The following NOS3 variants were observed in gnomAD, a reference collection of about 807,000 sequenced individuals.
The protein encoded by NOS3 is nitric oxide synthase 3.
Under a neutral mutation model 144.9 loss-of-function variants are expected in NOS3, and 98 were observed. The observed-to-expected ratio is 0.68, with a 90% CI of 0.57 to 0.80. The LOEUF (loss-of-function observed/expected upper bound fraction) is 0.80, where lower values mean the gene tolerates loss of function less well. Ranked by LOEUF, NOS3 falls within the 30% of genes least tolerant of loss-of-function variation. NOS3 has a pLI of 0.00. For missense variants in NOS3, 1,465 were observed against 1,656.4 expected (o/e 0.88, Z 2.01); for synonymous variants, 714 against 702.4 (o/e 1.02, Z -0.26).
chr7:150,994,436 A>G (rs2117096537), intron 2 of NOS3, among the ~76,000 whole-genome samples: 1 of 152,338 alleles, frequency 6.6e-6, no homozygotes, highest in East Asian at 1.9e-4. Context: ...AGAGTTGGGC[A>G]GGAAACTCGG....
rs745819190 is a variant in NOS3, at chr7:150,998,217, G to T, written c.583-140G>T. 113 of 688,448 alleles carry T rather than the reference G, an allele frequency of 1.6e-4. No homozygotes were observed. Among genetic ancestry groups the T allele is most frequent in the Non-Finnish European group, 2.6e-4 (106 of 403,056 alleles). 42.6% of individuals were successfully genotyped at this position (688,448 alleles called of 1,614,324 possible). On this transcript the variant is annotated intron_variant, in intron 5 of 26. Coordinates refer to ENST00000297494, the MANE Select transcript of NOS3 (RefSeq NM_000603.5). This position sits in a 1 kb window ranked among gnomAD's most constrained non-coding sequence, Gnocchi z 5.0. ...CAGAGAGCAGGGCAGGAAGGGATCAGTGTGGCTGCCAATGGTCAGGAGGGC... is the reference window on the plus strand; with the variant it reads ...CAGAGAGCAGGGCAGGAAGGGATCATTGTGGCTGCCAATGGTCAGGAGGGC...
At chr7:151,000,419 G>A (rs1031946808) in intron 9 of NOS3, 79 bp from the exon 10 acceptor site, 29 of 908,292 alleles carry the variant, frequency 3.2e-5, no homozygotes, top group South Asian at 5.5e-5. Flanking sequence ...AGCCATGTAC[G>A]GGAAACAGAG....
chr7:151,009,561 G>A lies in NOS3; in HGVS notation c.2488G>A (p.Glu830Lys). Residue 830 changes from glutamate (E) to lysine (K), a missense_variant, in exon 20 of 27, where the codon GAG becomes AAG. By Grantham distance (56) the Glu-to-Lys change is moderately conservative (BLOSUM62 1). Coordinates refer to ENST00000297494, the MANE Select transcript of NOS3 (RefSeq NM_000603.5). ...PPAPTEPVAV[E>K]QLEKGSPGGP... ...GGCGCCCACTGAGCCCGTGGCAGTA[G>A]AGCAGCTGGAGAAGGGCAGCCCTGG... 6.5e-7 allele frequency: 1 copy of A among 1,540,434 alleles called. No individual in the cohort carries two copies. Among genetic ancestry groups the A allele is most frequent in the South Asian group, 1.2e-5 (1 of 83,522 alleles).
chr7:151,003,779 G>C lies in NOS3; in HGVS notation c.1752+1475G>C. The stretch of plus-strand genomic sequence containing the variant: ...CTGAGGCTGTTTTTGAGGCGCACTC[G>C]TGTTGCTGCGTGACTCAGTATTTCA... On this transcript the variant is annotated intron_variant, in intron 14 of 26. Transcript: ENST00000297494. The surrounding 1 kb of genome is among the most constrained non-coding windows in gnomAD (Gnocchi z 4.1). 2.1e-6 allele frequency: 1 copy of C among 467,872 alleles called. No homozygotes were observed. Among genetic ancestry groups the C allele is most frequent in the Admixed American group, 2.4e-5 (1 of 42,124 alleles). 29.0% of individuals were successfully genotyped at this position (467,872 alleles called of 1,614,324 possible). A position where few individuals can be genotyped will look rare whatever the true frequency, so the allele number is the denominator to read the frequency against.
Position 151,010,948 on chromosome 7 carries a change from G to A in NOS3, c.2946G>A (p.Gln982=). ...GAGTCTGCTCCACGTGGCTAAGCCA[G>A]CTCAAGCCCGGAGACCCTGTGCCCT... is the stretch of plus-strand genomic sequence containing the variant. ...HYGVCSTWLS[Q]LKPGDPVPCF... The change falls in exon 23 of 27, where the codon CAG becomes CAA. Residue 982 remains glutamine, a synonymous_variant. Transcript: ENST00000297494. 6.2e-7 allele frequency: 1 copy of A among 1,613,980 alleles called. No homozygotes were observed. Among genetic ancestry groups the A allele is most frequent in the East Asian group, 2.2e-5 (1 of 44,880 alleles).
rs1042738752 is a variant in NOS3 at position 151,003,859 on chromosome 7, C to T, written c.1752+1555C>T. The T allele has an allele frequency of 6.8e-5, 27 of 395,398 alleles. 1 individual carries two copies. The highest frequency in any genetic ancestry group is 4.1e-4 in the Admixed American group (15 of 36,408). 24.5% of individuals were successfully genotyped at this position (395,398 alleles called of 1,614,324 possible). A position where few individuals can be genotyped will look rare whatever the true frequency, so the allele number is the denominator to read the frequency against. On this transcript the variant is annotated intron_variant, in intron 14 of 26. Coordinates refer to ENST00000297494, the MANE Select transcript of NOS3 (RefSeq NM_000603.5). This position sits in a 1 kb window ranked among gnomAD's most constrained non-coding sequence, Gnocchi z 4.1. ...TGTGAATATCCCCAGTTTGTTTACC[C>T]ATTCTCTTGTTGGTGACACTTGGGC...
Position 151,010,241 on chromosome 7 carries a change from T to C in NOS3, c.2639T>C (p.Leu880Ser). 1 of 1,613,002 alleles carries C rather than the reference T, an allele frequency of 6.2e-7. No individual in the cohort carries two copies. The highest frequency in any genetic ancestry group is 2.2e-5 in the East Asian group (1 of 44,860). The change falls in exon 21 of 27, where the codon TTG (leucine) becomes TCG (serine). Residue 880 changes from leucine to serine, a missense_variant. Coordinates refer to ENST00000297494, the MANE Select transcript of NOS3 (RefSeq NM_000603.5). ...SPQLLRLLST[L>S]AEEPREQQEL... ...CAGCTCTTGCGGCTGCTCAGCACCT[T>C]GGCAGAAGAGCCCAGGGAACAGCAG...
chr7:151,010,132 TG>T lies in NOS3; in HGVS notation c.2533del (p.Val845CysfsTer113). On this transcript the variant is annotated frameshift_variant, in exon 21 of 27. Coordinates refer to ENST00000297494, the MANE Select transcript of NOS3 (RefSeq NM_000603.5). LOFTEE classifies it high-confidence loss of function. Reference protein sequence around the residue: ...KGSPGGPPPGWVRDPRLPPCT... With the variant: ...KGSPGGPPPGXVRDPRLPPCT... ...ATCCCCAGGTGGCCCTCCCCCCGGC[TG>T]GGTGCGGGACCCCCGGCTGCCCCCG... 6.2e-7 allele frequency: 1 copy of T among 1,605,450 alleles called. No individual in the cohort carries two copies. The highest frequency in any genetic ancestry group is 2.2e-5 in the East Asian group (1 of 44,850).
chr7:151,013,995 T>C lies in NOS3; in HGVS notation c.3451-13T>C, dbSNP rs376131386. ...CGAGTCGGGTTCTGATCCACTGTGC[T>C]CTTTTCCGACAGGATCAGCAACGCT... On this transcript the variant is annotated splice_polypyrimidine_tract_variant and intron_variant, in intron 26 of 26. Transcript: ENST00000297494. 7 of 1,611,316 alleles carry C rather than the reference T, an allele frequency of 4.3e-6. No individual in the cohort carries two copies. In the African/African-American group the frequency reaches 9.3e-5, roughly 22 times the overall value.
At chr7:151,009,344 T>TCCCCC in intron 19 of NOS3, 54 bp from the exon 20 acceptor site, 1 of 903,550 alleles carries the variant, frequency 1.1e-6, no homozygotes, top group South Asian at 1.5e-5. Context: ...TCCCACATTC[T>TCCCCC]CCCGCCCCCA....
At chr7:150,997,783 C>T (rs545859228) in intron 5 of NOS3, among the ~76,000 whole-genome samples, 56 of 152,312 alleles carry the variant, frequency 3.7e-4, no homozygotes, top group Middle Eastern at 3.4e-3. Flanking sequence ...GAGCTGCGTC[C>T]CTCCCTTGAC....
intron 2 of NOS3, 105 bp downstream of exon 2, chr7:150,994,066 G>A: frequency 8.1e-7 from 1 of 1,235,142 alleles, no homozygotes; most frequent in Non-Finnish European, 1.1e-6. Context: ...GGGAGGGCCA[G>A]GTCACAAATG....
At chr7:151,001,497 C>T (rs1795096690) in intron 11 of NOS3, 47 bp from the exon 12 acceptor site, 1 of 1,609,666 alleles carries the variant, frequency 6.2e-7, no homozygotes, top group Non-Finnish European at 8.5e-7. Context: ...GACCTCTAAC[C>T]TTTCCTTTTC....
rs1181428981 is a variant in NOS3, at chr7:150,996,415, C to T, written c.282C>T (p.Cys94=). The T allele has an allele frequency of 5.2e-6, 8 of 1,532,262 alleles. No homozygotes were observed. The highest frequency in any genetic ancestry group is 1.5e-5 in the African/African-American group (1 of 65,102). 94.9% of individuals were successfully genotyped at this position (1,532,262 alleles called of 1,614,324 possible). A position where few individuals can be genotyped will look rare whatever the true frequency, so the allele number is the denominator to read the frequency against. The change falls in exon 4 of 27, where the codon TGC becomes TGT. Residue 94 remains cysteine (C), a synonymous_variant. Transcript: ENST00000297494. ...LSAQAQQDGP[C]TPRRCLGSLV... ...CTCCCTCGACCCAGGATGGGCCCTG[C>T]ACCCCAAGACGCTGCCTGGGCTCCC...
intron 23 of NOS3, among the ~76,000 whole-genome samples, chr7:151,011,375 C>G (rs1444259061): frequency 6.6e-6 from 1 of 151,756 alleles, no homozygotes; most frequent in Non-Finnish European, 1.5e-5. Flanking sequence ...CACCCTTGGC[C>G]TTGGTGTCAC....
At position 151,003,257 on chromosome 7, in the gene NOS3, T is replaced by C; in HGVS notation, c.1752+953T>C. 2.2e-6 allele frequency: 1 copy of C among 459,462 alleles called. No individual in the cohort carries two copies. Among genetic ancestry groups the C allele is most frequent in the Non-Finnish European group, 4.3e-6 (1 of 232,522 alleles). The allele number at this position is 459,462 out of a possible 1,614,324, so 28.5% of individuals were successfully genotyped here. The stretch of plus-strand genomic sequence containing the variant: ...CCTCCCACTTCAACCTCCCAAGTAG[T>C]TGGGACTACAGGCGCATGCCATGAT... On this transcript the variant is annotated intron_variant, in intron 14 of 26. Transcript: ENST00000297494. The surrounding 1 kb of genome is among the most constrained non-coding windows in gnomAD (Gnocchi z 4.1).
chr7:151,013,342 T>A lies in NOS3; in HGVS notation c.3218T>A (p.Val1073Asp). ...CAGCAGCGCGGGGTGTTTGGCCGAG[T>A]CCTCACCGCCTTCTCCCGGGAACCT... ...NAQQRGVFGR[V>D]LTAFSREPDN... Residue 1073 changes from valine (V) to aspartate (D), a missense_variant, in exon 25 of 27, where the codon GTC becomes GAC. Around this residue, in one of 5 missense-constraint regions of NOS3, gnomAD observed 228 missense variants for 227.7 expected, o/e 1.00. Coordinates refer to ENST00000297494, the MANE Select transcript of NOS3 (RefSeq NM_000603.5). 6.2e-7 allele frequency: 1 copy of A among 1,613,738 alleles called. No individual in the cohort carries two copies.
At chr7:151,009,675 C>T (rs1795264754) in intron 20 of NOS3, 90 bp downstream of exon 20, 3 of 1,194,416 alleles carry the variant, frequency 2.5e-6, no homozygotes, top group South Asian at 3.1e-5. Flanking sequence ...CAGGACCCGA[C>T]CCAGGGGGTG....
Position 151,010,825 on chromosome 7 carries a change from A to AGC in NOS3, c.2896+19_2896+20dup. On this transcript the variant is annotated intron_variant, in intron 22 of 26. Transcript: ENST00000297494. ...GACTCAGGGTGAGGCAACAAGCAGGAGCAGGCCTGGCCACAGCAGGGTTGG... is the reference window on the plus strand; with the variant it reads ...GACTCAGGGTGAGGCAACAAGCAGGAGCGCAGGCCTGGCCACAGCAGGGTTGG... 1 of 1,608,240 alleles carries AGC rather than the reference A, an allele frequency of 6.2e-7. No homozygotes were observed. The highest frequency in any genetic ancestry group is 8.5e-7 in the Non-Finnish European group (1 of 1,177,214).
Sources: allele counts gnomAD v4.1 joint callset (sites outside exome capture counted in the v4.1 genomes callset), GRCh38; gene constraint gnomAD v4.1.1; regional missense constraint gnomAD v4.1.1; non-coding constraint Gnocchi (gnomAD v3.1); transcripts MANE v1.5; gene names NCBI Gene and HGNC (gene_info 2026-07-23, HGNC 2026-07-21).